MAST4: variants seen among roughly 807,000 people sequenced by gnomAD.
MAST4 encodes the protein microtubule associated serine/threonine kinase family member 4.
A neutral mutation model predicts 162.7 loss-of-function variants in MAST4; 89 were observed. That is an observed-to-expected ratio of 0.55 (90% CI 0.46 to 0.65). MAST4 has a LOEUF of 0.65. Ranked by LOEUF, MAST4 falls within the 30% of genes least tolerant of loss-of-function variation. MAST4 has a pLI of 0.00. For missense variants in MAST4, 3,153 were observed against 3,374.0 expected (o/e 0.93, Z 1.62); for synonymous variants, 1,479 against 1,361.1 (o/e 1.09, Z -1.91).
chr5:67,057,610 G>GAAAGAAAAGAAAAGAAAAGA (rs61687815), intron 5 of MAST4, among the ~76,000 whole-genome samples: 10,056 of 144,034 alleles, frequency 0.07, 438 homozygotes, highest in South Asian at 0.11. Context: ...AAAAAAGAAG[G>GAAAGAAAAGAAAAGAAAAGA]AAAGAAAAGA....
intron 4 of MAST4, among the ~76,000 whole-genome samples, chr5:67,014,818 G>A (rs749278777): frequency 1.4e-4 from 22 of 152,176 alleles, no homozygotes; most frequent in Non-Finnish European, 4.4e-5. Flanking sequence ...CTATAACATT[G>A]TGATTATGTA....
Position 66,790,309 on chromosome 5 carries a change from G to A in MAST4, c.642+1515G>A, listed in dbSNP as rs374862596. ...TAGCTGTATAAACTTGGACAAGTCC[G>A]TTTCTCAAATTCTCTCATCTCATTT... On this transcript the variant is annotated intron_variant, in intron 3 of 28. Coordinates refer to ENST00000403625, the MANE Select transcript of MAST4 (RefSeq NM_001164664.2). 3.2e-4 allele frequency among the ~76,000 whole-genome samples: 48 copies of A among 152,084 alleles called. No homozygotes were observed. The South Asian group carries it at 6.2e-3, about 20-fold the overall frequency.
chr5:66,692,165 T>C (rs941172071), intron 1 of MAST4, among the ~76,000 whole-genome samples: 1 of 152,196 alleles, frequency 6.6e-6, no homozygotes, highest in Non-Finnish European at 1.5e-5. Context: ...TCATGTGCTC[T>C]GTCTCTCGCT....
At chr5:67,050,257 C>T (rs1758009295) in intron 4 of MAST4, among the ~76,000 whole-genome samples, 1 of 152,204 alleles carries the variant, frequency 6.6e-6, no homozygotes, top group Admixed American at 6.5e-5. Flanking sequence ...TAATAGTGAA[C>T]TCAGGGAGCA....
Position 67,090,446 on chromosome 5 carries a change from GCTTCTCCCCC to G in MAST4, c.833+216_833+225del, listed in dbSNP as rs1763732861. 1.2e-4 allele frequency among the ~76,000 whole-genome samples: 4 copies of G among 32,870 alleles called. No individual in the cohort carries two copies. The East Asian group carries it at 4.9e-3, about 40-fold the overall frequency. The allele number at this position is 32,870 out of a possible 152,430, so 21.6% of individuals were successfully genotyped here. A position where few individuals can be genotyped will look rare whatever the true frequency, so the allele number is the denominator to read the frequency against. ...TCTCACTTCCCCCCTCCCCCTCCCC[GCTTCTCCCCC>G]TCCCCGCTTCTCCCCCTCCCCTGCT... On this transcript the variant is annotated intron_variant, in intron 6 of 28. Coordinates refer to ENST00000403625, the MANE Select transcript of MAST4 (RefSeq NM_001164664.2).
At chr5:66,864,893 G>C (rs1760389575) in intron 3 of MAST4, among the ~76,000 whole-genome samples, 1 of 152,184 alleles carries the variant, frequency 6.6e-6, no homozygotes, top group South Asian at 2.1e-4. Flanking sequence ...AACTGACACA[G>C]ATGGCTTAGA....
rs192187864 is a variant in MAST4, at chr5:66,864,855, A to G, written c.643-35096A>G. 3.4e-3 allele frequency among the ~76,000 whole-genome samples: 523 copies of G among 152,324 alleles called. 5 individuals carry two copies. The highest frequency in any genetic ancestry group is 0.012 in the African/African-American group (484 of 41,574). On this transcript the variant is annotated intron_variant, in intron 3 of 28. Transcript: ENST00000403625. ...TTCTGTTGTTGAAGCTACCCAGTTT[A>G]TGATACTGTGTTACAGCAGCCTTAG... is the stretch of plus-strand genomic sequence containing the variant.
chr5:66,872,151 TTTTGTTTGTTTGTTTG>T (rs149530554), intron 3 of MAST4, among the ~76,000 whole-genome samples: 15,468 of 150,270 alleles, frequency 0.1, 886 homozygotes, highest in Middle Eastern at 0.13. Flanking sequence ...GATATAAATT[TTTTGTTTGTTTGTTTG>T]TTTGTTTGTT....
intron 1 of MAST4, among the ~76,000 whole-genome samples, chr5:66,629,099 G>A (rs1355155335): frequency 6.6e-6 from 1 of 152,210 alleles, no homozygotes; most frequent in Non-Finnish European, 1.5e-5. Context: ...TGAAAGTTGA[G>A]TGGGAGAGTG....
At chr5:66,602,245 A>G (rs1742600298) in intron 1 of MAST4, among the ~76,000 whole-genome samples, 1 of 152,100 alleles carries the variant, frequency 6.6e-6, no homozygotes, top group Admixed American at 6.5e-5. Context: ...ACCTGGGGTG[A>G]GCATGAAGGG....
At position 67,004,682 on chromosome 5, in the gene MAST4, C is replaced by A. The variant is rs190776915; in HGVS notation, c.675-49722C>A. The A allele has an allele frequency of 2.6e-5, 7 of 273,674 alleles. No homozygotes were observed. The East Asian group carries it at 4.9e-4, about 19-fold the overall frequency. The allele number at this position is 273,674 out of a possible 1,614,324, so 17.0% of individuals were successfully genotyped here. A position where few individuals can be genotyped will look rare whatever the true frequency, so the allele number is the denominator to read the frequency against. Reference sequence around the variant, plus strand: ...ACAGCGCTTTGAGCAGAACGCACGGCTCAACTCATGTAATTACTGTTTATA... The same window carrying A: ...ACAGCGCTTTGAGCAGAACGCACGGATCAACTCATGTAATTACTGTTTATA... On this transcript the variant is annotated intron_variant, in intron 4 of 28. Transcript: ENST00000403625.
chr5:66,929,055 A>G (rs1003817847), intron 4 of MAST4, among the ~76,000 whole-genome samples: 1 of 152,196 alleles, frequency 6.6e-6, no homozygotes, highest in Non-Finnish European at 1.5e-5. Context: ...TGTTTACATG[A>G]TTATGGAGCT....
intron 5 of MAST4, among the ~76,000 whole-genome samples, chr5:67,060,137 A>G (rs887161125): frequency 6.6e-6 from 1 of 152,196 alleles, no homozygotes; most frequent in Non-Finnish European, 1.5e-5. Context: ...ACAACTCTTA[A>G]GGACCTTTCT....
intron 3 of MAST4, among the ~76,000 whole-genome samples, chr5:66,840,165 C>G (rs1034970831): frequency 6.6e-6 from 1 of 151,986 alleles, no homozygotes; most frequent in African/African-American, 2.4e-5. Context: ...TAAATATTTT[C>G]TAATTGGAAA....
At chr5:67,114,291 C>G (rs1220899200) in intron 12 of MAST4, 72 bp downstream of exon 12, 1 of 1,516,678 alleles carries the variant, frequency 6.6e-7, no homozygotes, top group Non-Finnish European at 8.9e-7. Context: ...ATCTAAGTGG[C>G]AAGTCTTTAT....
chr5:67,085,491 C>A (rs993614994), intron 5 of MAST4, among the ~76,000 whole-genome samples: 1 of 152,180 alleles, frequency 6.6e-6, no homozygotes, highest in Non-Finnish European at 1.5e-5. Flanking sequence ...ATCAGTCAAG[C>A]AGTGAGTAAT....
intron 12 of MAST4, 121 bp from the exon 13 acceptor site, chr5:67,118,561 C>T (rs1343178640): frequency 1.4e-5 from 9 of 632,910 alleles, no homozygotes; most frequent in Non-Finnish European, 1.9e-5. Flanking sequence ...CCCATGGGCA[C>T]ATTGGAGTAT....
In MAST4 at chr5:67,167,168, C is replaced by T; in HGVS notation, c.*117C>T. On this transcript the variant is annotated 3_prime_UTR_variant, in exon 29 of 29. Transcript: ENST00000403625. Reference sequence around the variant, plus strand: ...GTCCGCCAGGCAGAGCTCGGAGCCTCATTGAGACAGGGGAGAGAGAAAGAC... The same window carrying T: ...GTCCGCCAGGCAGAGCTCGGAGCCTTATTGAGACAGGGGAGAGAGAAAGAC... 1.3e-6 allele frequency: 1 copy of T among 790,280 alleles called. No homozygotes were observed. The highest frequency in any genetic ancestry group is 3.8e-5 in the Admixed American group (1 of 25,976). The allele number at this position is 790,280 out of a possible 1,614,324, so 49.0% of individuals were successfully genotyped here.
intron 5 of MAST4, among the ~76,000 whole-genome samples, chr5:67,082,453 G>T (rs1762782063): frequency 6.6e-6 from 1 of 152,144 alleles, no homozygotes; most frequent in Admixed American, 6.5e-5. Flanking sequence ...CTTTAAAAGT[G>T]TCAAGGGCAT....
Sources: gnomAD v4.1 joint callset for allele counts (sites outside exome capture counted in the v4.1 genomes callset) on GRCh38, gnomAD v4.1.1 for gene constraint, MANE v1.5 for transcripts, NCBI Gene and HGNC (gene_info 2026-07-23, HGNC 2026-07-21) for gene names.